The following PRSS35 variants were observed in gnomAD, a reference collection of about 807,000 sequenced individuals.
PRSS35 encodes serine protease 35.
PRSS35 carries 7 observed loss-of-function variants against 8.1 expected under a neutral mutation model. That is an observed-to-expected ratio of 0.86 (90% CI 0.49 to 1.62). The LOEUF (loss-of-function observed/expected upper bound fraction) is 1.62, where lower values mean the gene tolerates loss of function less well. Ranked by LOEUF, PRSS35 falls within the 40% of genes most tolerant of loss-of-function variation. The pLI is 0.00. For missense variants in PRSS35, 566 were observed against 518.0 expected, an observed-to-expected ratio of 1.09 and a Z score of -0.90; for synonymous variants, 199 against 188.7, an observed-to-expected ratio of 1.05 and a Z score of -0.45.
chr6:83,523,851 G>T lies in PRSS35; in HGVS notation c.410G>T (p.Arg137Met), dbSNP rs148479497. The stretch of plus-strand genomic sequence containing the variant: ...AGCAGGTTCAGCATCTTGGACAAAA[G>T]GTTCTTAACCAATTTCCCTTTCAGC... Reference protein sequence around the residue: ...TDSRFSILDKRFLTNFPFSTA... With the variant: ...TDSRFSILDKMFLTNFPFSTA... Residue 137 changes from arginine to methionine, a missense_variant, in exon 2 of 2, where the codon AGG becomes ATG. By Grantham distance (91) the Arg-to-Met change is moderately conservative. Coordinates refer to ENST00000369700, the MANE Select transcript of PRSS35 (RefSeq NM_153362.3). The T allele has an allele frequency of 2.0e-4, 327 of 1,614,040 alleles. No individual in the cohort carries two copies. The highest frequency in any genetic ancestry group is 1.4e-3 in the East Asian group (63 of 44,894).
chr6:83,521,683 G>A (rs1771825465), intron 1 of PRSS35, among the ~76,000 whole-genome samples: 2 of 151,674 alleles, frequency 1.3e-5, no homozygotes, highest in South Asian at 4.2e-4. Context: ...AGTTTTTTTT[G>A]TAGAGATGAG....
Position 83,525,255 on chromosome 6 carries a change from A to C in PRSS35, c.*572A>C, listed in dbSNP as rs555426193. On this transcript the variant is annotated 3_prime_UTR_variant, in exon 2 of 2. Coordinates refer to ENST00000369700, the MANE Select transcript of PRSS35 (RefSeq NM_153362.3). ...TTTTTTTGAAGAATTACAAATCAGA[A>C]GAAAAAGCAAGCATTATAAACAAAA... The C allele has an allele frequency of 6.0e-6, 1 of 167,132 alleles. No homozygotes were observed. Among genetic ancestry groups the C allele is most frequent in the East Asian group, 1.9e-4 (1 of 5,196 alleles). The allele number at this position is 167,132 out of a possible 1,614,324, so 10.4% of individuals were successfully genotyped here.
intron 1 of PRSS35, among the ~76,000 whole-genome samples, chr6:83,519,731 T>C (rs1771787648): frequency 6.6e-6 from 1 of 152,230 alleles, no homozygotes; most frequent in East Asian, 1.9e-4. Context: ...TCTGAGGTCA[T>C]ATTACAAAGC....
Position 83,523,581 on chromosome 6 carries a change from G to A in PRSS35, c.140G>A (p.Ser47Asn), listed in dbSNP as rs201064274. Residue 47 changes from serine to asparagine, a missense_variant, in exon 2 of 2, where the codon AGC becomes AAC. Physicochemically the swap from Ser to Asn is conservative, Grantham distance 46. Coordinates refer to ENST00000369700, the MANE Select transcript of PRSS35 (RefSeq NM_153362.3). ...AGTGAAAGGACTTTCCATCTCACCA[G>A]CCCCGCATTTGAGGCAGATGCTAAG... ...IVSERTFHLT[S>N]PAFEADAKMM... 1.2e-4 allele frequency: 189 copies of A among 1,614,168 alleles called. No homozygotes were observed. Among genetic ancestry groups the A allele is most frequent in the South Asian group, 4.0e-4 (36 of 91,080 alleles).
intron 1 of PRSS35, among the ~76,000 whole-genome samples, chr6:83,517,920 T>G (rs372750356): frequency 6.6e-6 from 1 of 152,188 alleles, no homozygotes; most frequent in East Asian, 1.9e-4. Flanking sequence ...TCCCAGGAAC[T>G]GTTTGATGGA....
intron 1 of PRSS35, 86 bp from the exon 2 acceptor site, chr6:83,523,336 C>T: frequency 2.0e-6 from 2 of 997,056 alleles, no homozygotes; most frequent in Non-Finnish European, 3.0e-6. Flanking sequence ...GGTGAAGGTA[C>T]ATTTAGGATC....
At chr6:83,521,510 C>T (rs1583459417) in intron 1 of PRSS35, among the ~76,000 whole-genome samples, 4 of 142,264 alleles carry the variant, frequency 2.8e-5, no homozygotes, top group African/African-American at 1.0e-4. Flanking sequence ...TCCCTCACCT[C>T]CCCCCCTCCT....
chr6:83,523,861 C>A lies in PRSS35; in HGVS notation c.420C>A (p.Thr140=). Reference sequence around the variant, plus strand: ...GCATCTTGGACAAAAGGTTCTTAACCAATTTCCCTTTCAGCACAGCTGTGA... The same window carrying A: ...GCATCTTGGACAAAAGGTTCTTAACAAATTTCCCTTTCAGCACAGCTGTGA... The part of the protein sequence containing the change: ...RFSILDKRFL[T]NFPFSTAVKL... The change falls in exon 2 of 2, where the codon ACC becomes ACA. Residue 140 remains threonine, a synonymous_variant. Coordinates refer to ENST00000369700, the MANE Select transcript of PRSS35 (RefSeq NM_153362.3). 6.2e-7 allele frequency: 1 copy of A among 1,614,204 alleles called. No individual in the cohort carries two copies. Among genetic ancestry groups the A allele is most frequent in the Non-Finnish European group, 8.5e-7 (1 of 1,180,030 alleles).
At chr6:83,521,107 G>A (rs1771813067) in intron 1 of PRSS35, among the ~76,000 whole-genome samples, 1 of 152,136 alleles carries the variant, frequency 6.6e-6, no homozygotes, top group Non-Finnish European at 1.5e-5. Context: ...TCCCTTGATT[G>A]AAATTTTGCT....
intron 1 of PRSS35, among the ~76,000 whole-genome samples, chr6:83,515,827 C>CT (rs11464464): frequency 0.55 from 82,929 of 151,024 alleles, 23,162 homozygotes; most frequent in Admixed American, 0.65. Context: ...CTTCTCTTTT[C>CT]TTTTTTTTGA....
rs559249232 is a variant in PRSS35, at chr6:83,523,485, G to T, written c.44G>T (p.Trp15Leu). ...LLWLIFFTPGWTLIDGSEMEW... is the reference protein window; with the variant it reads ...LLWLIFFTPGLTLIDGSEMEW... ...TGGTTGATATTTTTCACCCCTGGGT[G>T]GACCCTCATTGATGGATCTGAAATG... The change falls in exon 2 of 2, where the codon TGG becomes TTG. Residue 15 changes from tryptophan (W) to leucine (L), a missense_variant. Transcript: ENST00000369700. 1.2e-6 allele frequency: 2 copies of T among 1,614,112 alleles called. No homozygotes were observed. The highest frequency in any genetic ancestry group is 2.2e-5 in the East Asian group (1 of 44,888).
At chr6:83,517,038 AGTGTTGG>A (rs1473203642) in intron 1 of PRSS35, among the ~76,000 whole-genome samples, 1 of 152,178 alleles carries the variant, frequency 6.6e-6, no homozygotes, top group Non-Finnish European at 1.5e-5. Context: ...TATCTACCTG[AGTGTTGG>A]CTCCCCCTGT....
Position 83,512,671 on chromosome 6 carries a change from T to G in PRSS35, c.-44T>G, listed in dbSNP as rs1467803211. The G allele has an allele frequency of 1.3e-5, 2 of 152,308 alleles. No individual in the cohort carries two copies. Among genetic ancestry groups the G allele is most frequent in the East Asian group, 3.9e-4 (2 of 5,158 alleles). The allele number at this position is 152,308 out of a possible 1,614,324, so 9.4% of individuals were successfully genotyped here. On this transcript the variant is annotated 5_prime_UTR_variant, in exon 1 of 2. Transcript: ENST00000369700. ...GCTCTGATCTCAGCTGACAGTGCCC[T>G]CGGGGACCAAACAAGCCTGGCAGGT...
intron 1 of PRSS35, among the ~76,000 whole-genome samples, chr6:83,516,798 A>G (rs1244302615): frequency 2.0e-5 from 3 of 152,138 alleles, no homozygotes; most frequent in Admixed American, 6.6e-5. Flanking sequence ...GCTTACATCT[A>G]TCAGCTCTTC....
In PRSS35 at chr6:83,525,106, A is replaced by G. The variant is rs1771914656; in HGVS notation, c.*423A>G. On this transcript the variant is annotated 3_prime_UTR_variant, in exon 2 of 2. Transcript: ENST00000369700. ...ATAGATAAAGGTAGATGGTAAAGCA[A>G]TTAGTATCAGAATAGAGACAGAAAG... The G allele has an allele frequency of 5.6e-6, 1 of 177,816 alleles. No homozygotes were observed. Among genetic ancestry groups the G allele is most frequent in the Non-Finnish European group, 1.3e-5 (1 of 74,796 alleles). The allele number at this position is 177,816 out of a possible 1,614,324, so 11.0% of individuals were successfully genotyped here. A position where few individuals can be genotyped will look rare whatever the true frequency, so the allele number is the denominator to read the frequency against.
In PRSS35 at chr6:83,523,537, A is replaced by T. The variant is rs757036453; in HGVS notation, c.96A>T (p.Arg32Ser). The part of the protein sequence containing the change: ...EMEWDFMWHL[R>S]KVPRIVSERT... ...AATGGGATTTTATGTGGCACTTGAGAAAGGTACCCCGGATTGTCAGTGAAA... is the reference window on the plus strand; with the variant it reads ...AATGGGATTTTATGTGGCACTTGAGTAAGGTACCCCGGATTGTCAGTGAAA... The change falls in exon 2 of 2, where the codon AGA (arginine) becomes AGT (serine). Residue 32 changes from arginine to serine, a missense_variant. By Grantham distance (110) the Arg-to-Ser change is moderately radical. Coordinates refer to ENST00000369700, the MANE Select transcript of PRSS35 (RefSeq NM_153362.3). 2.5e-6 allele frequency: 4 copies of T among 1,614,052 alleles called. No individual in the cohort carries two copies. In the African/African-American group the frequency reaches 5.3e-5, roughly 22 times the overall value.
intron 1 of PRSS35, among the ~76,000 whole-genome samples, chr6:83,519,084 TA>T (rs1360041097): frequency 6.6e-6 from 1 of 152,120 alleles, no homozygotes; most frequent in Non-Finnish European, 1.5e-5. Context: ...TAAGAAACTA[TA>T]AACAAATAAC....
intron 1 of PRSS35, among the ~76,000 whole-genome samples, chr6:83,522,866 A>T (rs1379718560): frequency 6.6e-6 from 1 of 152,178 alleles, no homozygotes; most frequent in Non-Finnish European, 1.5e-5. Flanking sequence ...GCACCTTCAC[A>T]TCAGTTTGGG....
intron 1 of PRSS35, among the ~76,000 whole-genome samples, chr6:83,521,452 C>T (rs865874327): frequency 4.0e-5 from 6 of 151,748 alleles, no homozygotes; most frequent in Non-Finnish European, 5.9e-5. Context: ...AATATTGTGA[C>T]GTAAATGCAG....
Sources: allele counts gnomAD v4.1 joint callset (sites outside exome capture counted in the v4.1 genomes callset), GRCh38; gene constraint gnomAD v4.1.1; transcripts MANE v1.5; gene names NCBI Gene and HGNC (gene_info 2026-07-23, HGNC 2026-07-21).